The following IL17RD variants were observed in gnomAD, a reference collection of about 807,000 sequenced individuals.
The protein encoded by IL17RD is interleukin-17 receptor D.
A neutral mutation model predicts 80.5 loss-of-function variants in IL17RD; 52 were observed. The ratio of observed to expected loss-of-function variants is 0.65; its 90% CI spans 0.52 to 0.81. The LOEUF (loss-of-function observed/expected upper bound fraction) is 0.81. IL17RD is among the 40% of genes least tolerant of loss of function. The probability of loss-of-function intolerance (pLI) is 0.00; values close to 1 mark genes in which losing one functional copy is unlikely to be tolerated. For synonymous variants in IL17RD, 416 were observed against 391.8 expected (o/e 1.06, Z -0.73); for missense variants, 1,024 against 955.1 (o/e 1.07, Z -0.95).
At chr3:57,096,904 G>A (rs1295632219) in intron 12 of IL17RD, among the ~76,000 whole-genome samples, 4 of 151,894 alleles carry the variant, frequency 2.6e-5, no homozygotes, top group African/African-American at 4.8e-5. Flanking sequence ...CCAGCTATTC[G>A]GGAGGCTGGG....
intron 1 of IL17RD, among the ~76,000 whole-genome samples, chr3:57,127,367 TATATATATATAA>T (rs1559477276): frequency 1.6e-4 from 13 of 82,484 alleles, no homozygotes; most frequent in African/African-American, 6.9e-4. Flanking sequence ...TAAATATAAA[TATATATATATAA>T]ATAAATAAAT....
intron 1 of IL17RD, chr3:57,134,404 C>T: frequency 1.4e-6 from 1 of 717,358 alleles, no homozygotes; most frequent in Non-Finnish European, 2.6e-6. Context: ...GCCCAAATGC[C>T]AGGGAACGTA....
rs541906211 is a variant in IL17RD, at chr3:57,096,486, G to A, written c.2127C>T (p.Ala709=). The change falls in exon 13 of 13, where the codon GCC becomes GCT. Residue 709 remains alanine, a synonymous_variant. Transcript: ENST00000296318. ...CAGAAGAGAGGAGCTTGGAAGGAAG[G>A]GCAGGAGGTTCCTCCTCACCTAAGG... is the stretch of plus-strand genomic sequence containing the variant. ...SSGLGEEEPP[A]LPSKLLSSGS... is the part of the protein sequence containing the mutation. The A allele has an allele frequency of 6.2e-7, 1 of 1,613,068 alleles. No homozygotes were observed. The highest frequency in any genetic ancestry group is 2.2e-5 in the East Asian group (1 of 44,878).
intron 1 of IL17RD, among the ~76,000 whole-genome samples, chr3:57,156,548 A>G (rs1048466529): frequency 1.3e-5 from 2 of 152,178 alleles, no homozygotes; most frequent in Admixed American, 1.3e-4. Context: ...AGCCTGGGTG[A>G]CAGAGACCCT....
chr3:57,160,718 G>T (rs1465582073), intron 1 of IL17RD, among the ~76,000 whole-genome samples: 1 of 152,178 alleles, frequency 6.6e-6, no homozygotes, highest in Non-Finnish European at 1.5e-5. Flanking sequence ...TGTTTAGAAT[G>T]TGTGTTCTCC....
At chr3:57,152,332 A>G (rs959451933) in intron 1 of IL17RD, among the ~76,000 whole-genome samples, 31 of 152,334 alleles carry the variant, frequency 2.0e-4, no homozygotes, top group African/African-American at 7.5e-4. Flanking sequence ...CTGTCAGGCC[A>G]CAGAGGGGAC....
chr3:57,164,994 C>T (rs1377654638), intron 1 of IL17RD, 167 bp downstream of exon 1: 2 of 1,335,220 alleles, frequency 1.5e-6, no homozygotes, highest in African/African-American at 1.6e-5. Context: ...GGACACGCGT[C>T]CGGGGAGGGA....
chr3:57,150,797 T>G (rs1432938682), intron 1 of IL17RD, among the ~76,000 whole-genome samples: 3 of 152,214 alleles, frequency 2.0e-5, no homozygotes, highest in African/African-American at 7.2e-5. Context: ...CCAAATTCCA[T>G]TTTTAAAGAG....
intron 1 of IL17RD, among the ~76,000 whole-genome samples, chr3:57,121,160 T>C (rs1011685181): frequency 6.6e-6 from 1 of 152,236 alleles, no homozygotes; most frequent in Non-Finnish European, 1.5e-5. Flanking sequence ...CAAAATATGT[T>C]AATTCTGAAA....
intron 1 of IL17RD, among the ~76,000 whole-genome samples, chr3:57,149,758 A>G (rs937847564): frequency 6.6e-6 from 1 of 152,188 alleles, no homozygotes; most frequent in African/African-American, 2.4e-5. Flanking sequence ...TAAAGAGTTC[A>G]GCACCTGCCC....
chr3:57,110,072 A>C, intron 4 of IL17RD, 121 bp downstream of exon 4: 1 of 1,145,274 alleles, frequency 8.7e-7, no homozygotes, highest in East Asian at 2.6e-5. Flanking sequence ...ATTCTTGCCC[A>C]CCTTGGCGGG....
At chr3:57,103,204 G>GA (rs3215002) in intron 8 of IL17RD, 59 bp from the exon 9 acceptor site, 1 of 1,379,036 alleles carries the variant, frequency 7.3e-7, no homozygotes, top group South Asian at 1.3e-5. Flanking sequence ...CAGGTAAGTG[G>GA]AAAAAAATGG....
intron 1 of IL17RD, among the ~76,000 whole-genome samples, chr3:57,164,057 T>C (rs899464920): frequency 6.6e-6 from 1 of 152,090 alleles, no homozygotes; most frequent in Non-Finnish European, 1.5e-5. Flanking sequence ...AGCAAACCAC[T>C]CCATACCTAT....
intron 1 of IL17RD, among the ~76,000 whole-genome samples, chr3:57,152,256 G>A (rs964296400): frequency 6.6e-5 from 10 of 152,184 alleles, no homozygotes; most frequent in South Asian, 2.1e-4. Flanking sequence ...CAGGAGCTCC[G>A]GCCCGCTGGG....
intron 2 of IL17RD, among the ~76,000 whole-genome samples, chr3:57,115,986 A>G (rs566184320): frequency 6.6e-6 from 1 of 152,300 alleles, no homozygotes; most frequent in Non-Finnish European, 1.5e-5. Context: ...AAACCACAAA[A>G]GACTATAAGA....
At chr3:57,138,082 T>C (rs998540477) in intron 1 of IL17RD, among the ~76,000 whole-genome samples, 4 of 152,166 alleles carry the variant, frequency 2.6e-5, no homozygotes, top group African/African-American at 7.2e-5. Flanking sequence ...TGAATAGAGA[T>C]AGCCAGGGGC....
At chr3:57,105,552 AATAT>A (rs1553623051) in intron 7 of IL17RD, among the ~76,000 whole-genome samples, 1 of 63,590 alleles carries the variant, frequency 1.6e-5, no homozygotes, top group African/African-American at 9.3e-5. Context: ...AAAAAAAAAA[AATAT>A]ATATATATAT....
intron 1 of IL17RD, among the ~76,000 whole-genome samples, chr3:57,136,204 G>C (rs1451859332): frequency 6.6e-6 from 1 of 152,088 alleles, no homozygotes; most frequent in African/African-American, 2.4e-5. Flanking sequence ...AGAGAGTCAG[G>C]GTGGCTTGAT....
chr3:57,108,503 A>T (rs1334205912), intron 5 of IL17RD, among the ~76,000 whole-genome samples: 3 of 115,788 alleles, frequency 2.6e-5, no homozygotes, highest in Non-Finnish European at 5.2e-5. Flanking sequence ...TCGTTTTGAT[A>T]CATGGCTTTT....
Sources: allele counts gnomAD v4.1 joint callset (sites outside exome capture counted in the v4.1 genomes callset), GRCh38; gene constraint gnomAD v4.1.1; transcripts MANE v1.5; gene names NCBI Gene and HGNC (gene_info 2026-07-23, HGNC 2026-07-21).